FREM3: variants seen among roughly 807,000 people sequenced by gnomAD.
FREM3 encodes FRAS1-related extracellular matrix protein 3.
Under a neutral mutation model 129.1 loss-of-function variants are expected in FREM3, and 105 were observed. That is an observed-to-expected ratio of 0.81 (90% CI 0.69 to 0.96). The LOEUF (loss-of-function observed/expected upper bound fraction) is 0.96, where lower values mean the gene tolerates loss of function less well. FREM3 is among the 40% of genes least tolerant of loss of function. The probability of loss-of-function intolerance (pLI) is 0.00; values close to 1 mark genes in which losing one functional copy is unlikely to be tolerated. For synonymous variants in FREM3, 1,014 were observed against 1,044.9 expected, an observed-to-expected ratio of 0.97 and a Z score of 0.57; for missense variants, 2,593 against 2,666.3, an observed-to-expected ratio of 0.97 and a Z score of 0.61.
intron 6 of FREM3, among the ~76,000 whole-genome samples, chr4:143,600,241 C>G (rs1278316017): frequency 6.6e-6 from 1 of 152,100 alleles, no homozygotes; most frequent in African/African-American, 2.4e-5. Flanking sequence ...GAATGGAAAA[C>G]TAAACATCAT....
Position 143,646,059 on chromosome 4 carries a change from A to C in FREM3, c.5276-18299T>G, listed in dbSNP as rs114783253. 3.1e-3 allele frequency among the ~76,000 whole-genome samples: 471 copies of C among 152,318 alleles called. 3 individuals carry two copies. The highest frequency in any genetic ancestry group is 0.011 in the African/African-American group (457 of 41,570). The stretch of plus-strand genomic sequence containing the variant: ...CCAGTGAGAGAGATGAAGTATTTTA[A>C]TGTTACCTAATTTGCCTAAAGCACT... On this transcript the variant is annotated intron_variant, in intron 2 of 7. Transcript: ENST00000329798.
At chr4:143,680,749 T>A (rs1162347621) in intron 2 of FREM3, among the ~76,000 whole-genome samples, 1 of 152,166 alleles carries the variant, frequency 6.6e-6, no homozygotes, top group African/African-American at 2.4e-5. Flanking sequence ...ATTTCTAACT[T>A]GCTTTTGAAT....
At chr4:143,686,779 C>T (rs565228646) in intron 2 of FREM3, among the ~76,000 whole-genome samples, 18 of 152,154 alleles carry the variant, frequency 1.2e-4, no homozygotes, top group African/African-American at 3.4e-4. Flanking sequence ...TCGAACCGAA[C>T]GACAATAATA....
intron 2 of FREM3, among the ~76,000 whole-genome samples, chr4:143,647,883 G>A (rs1240067765): frequency 1.3e-5 from 2 of 152,168 alleles, no homozygotes; most frequent in Admixed American, 6.5e-5. Context: ...TAAACGGTGA[G>A]AAGAAGGCCA....
At chr4:143,596,113 A>G (rs537608931) in intron 6 of FREM3, among the ~76,000 whole-genome samples, 2 of 152,314 alleles carry the variant, frequency 1.3e-5, no homozygotes, top group East Asian at 3.9e-4. Flanking sequence ...TAAGGTGAGA[A>G]CAGAGGAATG....
At chr4:143,598,105 C>T (rs1300797117) in intron 6 of FREM3, among the ~76,000 whole-genome samples, 1 of 152,230 alleles carries the variant, frequency 6.6e-6, no homozygotes. Flanking sequence ...TCCCCACCTC[C>T]TAATGCTATC....
intron 3 of FREM3, 44 bp downstream of exon 3, chr4:143,627,570 T>C: frequency 6.9e-7 from 1 of 1,456,552 alleles, no homozygotes. Context: ...CCAGATTTCA[T>C]GTTTCCATGA....
At chr4:143,672,143 T>G (rs1231404642) in intron 2 of FREM3, among the ~76,000 whole-genome samples, 1 of 152,220 alleles carries the variant, frequency 6.6e-6, no homozygotes, top group Non-Finnish European at 1.5e-5. Flanking sequence ...AACTATAGAC[T>G]TGATTCTAAC....
intron 6 of FREM3, among the ~76,000 whole-genome samples, chr4:143,586,204 A>C (rs1578821264): frequency 6.6e-6 from 1 of 152,208 alleles, no homozygotes; most frequent in Non-Finnish European, 1.5e-5. Context: ...ACTCCAGGAA[A>C]TGCCATGAGA....
chr4:143,681,800 A>C (rs539341222), intron 2 of FREM3, among the ~76,000 whole-genome samples: 1 of 152,210 alleles, frequency 6.6e-6, no homozygotes, highest in Non-Finnish European at 1.5e-5. Context: ...CATTTTTGGT[A>C]TATGTTAGTT....
At chr4:143,676,840 G>A (rs1186577015) in intron 2 of FREM3, among the ~76,000 whole-genome samples, 3 of 151,620 alleles carry the variant, frequency 2.0e-5, no homozygotes, top group Non-Finnish European at 4.4e-5. Context: ...TACAAGGGAC[G>A]TGAAGGACCT....
chr4:143,608,848 C>T (rs990468085), intron 6 of FREM3, among the ~76,000 whole-genome samples: 3 of 152,064 alleles, frequency 2.0e-5, no homozygotes, highest in Non-Finnish European at 4.4e-5. Context: ...AACACAAGAC[C>T]ATTCAAGTTC....
intron 3 of FREM3, among the ~76,000 whole-genome samples, chr4:143,627,277 T>C (rs1465549597): frequency 2.6e-5 from 4 of 152,176 alleles, no homozygotes; most frequent in African/African-American, 7.2e-5. Context: ...TAAAAATATA[T>C]GCTTAAAACA....
chr4:143,582,329 C>T (rs1738160897), intron 7 of FREM3, among the ~76,000 whole-genome samples: 1 of 152,032 alleles, frequency 6.6e-6, no homozygotes, highest in Non-Finnish European at 1.5e-5. Context: ...AGCCATGTGG[C>T]TGAGTAAGAG....
chr4:143,600,915 A>T (rs1738560261), intron 6 of FREM3, among the ~76,000 whole-genome samples: 1 of 151,408 alleles, frequency 6.6e-6, no homozygotes, highest in African/African-American at 2.4e-5. Context: ...GGTGATCACT[A>T]GTCACTTCAT....
At chr4:143,661,328 C>A (rs939959568) in intron 2 of FREM3, among the ~76,000 whole-genome samples, 3 of 152,152 alleles carry the variant, frequency 2.0e-5, no homozygotes, top group Non-Finnish European at 2.9e-5. Flanking sequence ...AAGGCCTTTT[C>A]TGCATCTATT....
intron 2 of FREM3, among the ~76,000 whole-genome samples, chr4:143,643,656 G>T (rs1739362854): frequency 6.6e-6 from 1 of 151,998 alleles, no homozygotes; most frequent in Non-Finnish European, 1.5e-5. Flanking sequence ...TCAGAGACTG[G>T]GGAGGGCAGT....
chr4:143,667,189 T>A (rs1739877935), intron 2 of FREM3, among the ~76,000 whole-genome samples: 1 of 152,164 alleles, frequency 6.6e-6, no homozygotes. Context: ...CTGTATTTTA[T>A]GTGGAAGTTA....
At chr4:143,675,033 AG>A (rs748067274) in intron 2 of FREM3, among the ~76,000 whole-genome samples, 9 of 152,222 alleles carry the variant, frequency 5.9e-5, no homozygotes, top group Non-Finnish European at 1.2e-4. Flanking sequence ...CTCTGCACCA[AG>A]TGGACCTAAT....
Sources: gnomAD v4.1 joint callset for allele counts (sites outside exome capture counted in the v4.1 genomes callset) on GRCh38, gnomAD v4.1.1 for gene constraint, MANE v1.5 for transcripts, NCBI Gene and HGNC (gene_info 2026-07-23, HGNC 2026-07-21) for gene names.